TNKS: variants seen among roughly 807,000 people sequenced by gnomAD.
TNKS encodes tankyrase, also known as poly [ADP-ribose] polymerase tankyrase-1.
In TNKS, 72 loss-of-function variants were observed where a neutral mutation model predicts 135.8. That is an observed-to-expected ratio of 0.53 (90% CI 0.44 to 0.64). The LOEUF is 0.64. Ranked by LOEUF, TNKS falls within the 30% of genes least tolerant of loss-of-function variation. TNKS has a pLI of 0.00. For synonymous variants in TNKS, 849 were observed against 649.3 expected (o/e 1.31, Z -4.68); for missense variants, 1,769 against 1,674.0 (o/e 1.06, Z -0.99).
chr8:9,559,832 C>G (rs2129049037), intron 1 of TNKS, among the ~76,000 whole-genome samples: 1 of 152,202 alleles, frequency 6.6e-6, no homozygotes, highest in East Asian at 1.9e-4. Context: ...TCCTTTGTAT[C>G]CTATCTTGGA....
At chr8:9,757,102 G>T (rs1806875690) in intron 20 of TNKS, among the ~76,000 whole-genome samples, 1 of 152,060 alleles carries the variant, frequency 6.6e-6, no homozygotes, top group African/African-American at 2.4e-5. Context: ...TCAGCCTCCT[G>T]AGTAGCTGGG....
chr8:9,578,557 T>C (rs1240083699), intron 1 of TNKS, among the ~76,000 whole-genome samples: 1 of 152,216 alleles, frequency 6.6e-6, no homozygotes, highest in Non-Finnish European at 1.5e-5. Context: ...TGCTTTACTT[T>C]GGAGACTTTT....
rs147614367 is a variant in TNKS, at chr8:9,777,129, C to T, written c.*393C>T. ...CGTGTCTATAACAAATATACACATA[C>T]GACAGGCAACAAGCTTGTTTTTGAT... On this transcript the variant is annotated 3_prime_UTR_variant, in exon 27 of 27. Coordinates refer to ENST00000310430, the MANE Select transcript of TNKS (RefSeq NM_003747.3). 3.0e-5 allele frequency: 5 copies of T among 164,922 alleles called. No homozygotes were observed. Among genetic ancestry groups the T allele is most frequent in the Non-Finnish European group, 6.6e-5 (5 of 75,326 alleles). 10.2% of individuals were successfully genotyped at this position (164,922 alleles called of 1,614,324 possible). A position where few individuals can be genotyped will look rare whatever the true frequency, so the allele number is the denominator to read the frequency against.
Position 9,777,594 on chromosome 8 carries a change from A to T in TNKS, c.*858A>T, listed in dbSNP as rs1808286620. ...CAGGTTGACACGGGCTTGAGTTCCA[A>T]GGTGAAAAAACTGGGGAGGCTGTGA... On this transcript the variant is annotated 3_prime_UTR_variant, in exon 27 of 27. Coordinates refer to ENST00000310430, the MANE Select transcript of TNKS (RefSeq NM_003747.3). 6.6e-6 allele frequency: 1 copy of T among 152,350 alleles called. No homozygotes were observed. Among genetic ancestry groups the T allele is most frequent in the African/African-American group, 2.4e-5 (1 of 41,440 alleles). The allele number at this position is 152,350 out of a possible 1,614,324, so 9.4% of individuals were successfully genotyped here. A position where few individuals can be genotyped will look rare whatever the true frequency, so the allele number is the denominator to read the frequency against.
rs544845476 is a variant in TNKS at position 9,689,889 on chromosome 8, T to A, written c.1107+9089T>A. ...ATTAAATGCCGATCAGTGCAAGTGG[T>A]TTCTTCTTTCCAGAAGACCTCTATC... On this transcript the variant is annotated intron_variant, in intron 5 of 26. Transcript: ENST00000310430. Among the ~76,000 whole-genome samples the A allele has an allele frequency of 3.9e-5, 6 of 152,296 alleles. No individual in the cohort carries two copies. The South Asian group carries it at 1.2e-3, about 32-fold the overall frequency.
intron 3 of TNKS, among the ~76,000 whole-genome samples, chr8:9,659,425 A>C (rs1801586606): frequency 6.6e-6 from 1 of 152,246 alleles, no homozygotes; most frequent in African/African-American, 2.4e-5. Context: ...CTCAGGATTA[A>C]GAAAGTCACT....
chr8:9,649,183 G>C (rs1801037381), intron 3 of TNKS, among the ~76,000 whole-genome samples: 1 of 152,178 alleles, frequency 6.6e-6, no homozygotes, highest in Non-Finnish European at 1.5e-5. Flanking sequence ...ATCCCTGAAA[G>C]CAAGGCAGAT....
intron 5 of TNKS, among the ~76,000 whole-genome samples, chr8:9,687,957 A>T (rs1803084067): frequency 6.6e-6 from 1 of 152,232 alleles, no homozygotes; most frequent in Non-Finnish European, 1.5e-5. Context: ...AGTGGATTAC[A>T]ACTACAGCAG....
chr8:9,672,824 A>G (rs1802359116), intron 3 of TNKS, among the ~76,000 whole-genome samples: 1 of 151,902 alleles, frequency 6.6e-6, no homozygotes, highest in African/African-American at 2.4e-5. Flanking sequence ...GACTGAACAC[A>G]TAGCATCATA....
chr8:9,772,171 T>C (rs1215814409), intron 26 of TNKS, among the ~76,000 whole-genome samples: 1 of 150,970 alleles, frequency 6.6e-6, no homozygotes, highest in African/African-American at 2.4e-5. Context: ...CAGGCAAGAA[T>C]TATTAATGGA....
Position 9,777,495 on chromosome 8 carries a change from C to T in TNKS, c.*759C>T, listed in dbSNP as rs1009881303. ...TAGGAACGCCTAAATTCAGAGAAGTCAAAGCCGGTGAAGGCCACTTGCTCT... is the reference window on the plus strand; with the variant it reads ...TAGGAACGCCTAAATTCAGAGAAGTTAAAGCCGGTGAAGGCCACTTGCTCT... On this transcript the variant is annotated 3_prime_UTR_variant, in exon 27 of 27. Transcript: ENST00000310430. 1.1e-4 allele frequency: 17 copies of T among 151,948 alleles called. No individual in the cohort carries two copies. Among genetic ancestry groups the T allele is most frequent in the African/African-American group, 3.9e-4 (16 of 41,166 alleles). 9.4% of individuals were successfully genotyped at this position (151,948 alleles called of 1,614,324 possible).
chr8:9,644,632 G>T (rs889085148), intron 3 of TNKS, among the ~76,000 whole-genome samples: 1 of 152,110 alleles, frequency 6.6e-6, no homozygotes, highest in Non-Finnish European at 1.5e-5. Context: ...AACAAATTGG[G>T]TGGCATTTCT....
At chr8:9,562,260 G>A (rs1206977130) in intron 1 of TNKS, among the ~76,000 whole-genome samples, 5 of 151,854 alleles carry the variant, frequency 3.3e-5, no homozygotes, top group Non-Finnish European at 7.4e-5. Flanking sequence ...GGATAAATGT[G>A]CTAATATTTT....
chr8:9,713,489 A>G (rs1166515424), intron 11 of TNKS, among the ~76,000 whole-genome samples: 1 of 152,078 alleles, frequency 6.6e-6, no homozygotes, highest in Non-Finnish European at 1.5e-5. Context: ...CTCACTCTTT[A>G]TTTGCCCTTT....
At chr8:9,592,790 A>G (rs1798636038) in intron 2 of TNKS, among the ~76,000 whole-genome samples, 2 of 152,198 alleles carry the variant, frequency 1.3e-5, no homozygotes, top group Admixed American at 1.3e-4. Context: ...AAGGAAGCTG[A>G]GTAATTTTCT....
At chr8:9,771,015 T>C (rs529093210) in intron 26 of TNKS, among the ~76,000 whole-genome samples, 1 of 152,108 alleles carries the variant, frequency 6.6e-6, no homozygotes, top group East Asian at 1.9e-4. Context: ...GGACTGAAAT[T>C]GGAAGTATTA....
At chr8:9,581,313 T>C (rs935202648) in intron 2 of TNKS, among the ~76,000 whole-genome samples, 7 of 152,210 alleles carry the variant, frequency 4.6e-5, no homozygotes, top group African/African-American at 1.4e-4. Context: ...AACTATTTTT[T>C]AAAAAAATCA....
intron 1 of TNKS, among the ~76,000 whole-genome samples, chr8:9,576,466 C>G (rs989812879): frequency 1.7e-4 from 22 of 131,518 alleles, no homozygotes; most frequent in Admixed American, 1.6e-3. Context: ...CCACCCCCCT[C>G]TTTTTTTTTT....
chr8:9,704,466 G>A (rs539561420), intron 5 of TNKS, among the ~76,000 whole-genome samples, 197 bp from the exon 6 acceptor site: 1 of 152,232 alleles, frequency 6.6e-6, no homozygotes, highest in East Asian at 1.9e-4. Flanking sequence ...AAGTGAAATA[G>A]GTGGATGGCA....
Sources: gnomAD v4.1 joint callset for allele counts (sites outside exome capture counted in the v4.1 genomes callset) on GRCh38, gnomAD v4.1.1 for gene constraint, MANE v1.5 for transcripts, NCBI Gene and HGNC (gene_info 2026-07-23, HGNC 2026-07-21) for gene names.